Variants in PANK3 observed in about 807,000 individuals in gnomAD.
PANK3 encodes pantothenate kinase 3.
PANK3 carries 20 observed loss-of-function variants against 39.4 expected under a neutral mutation model. The ratio of observed to expected loss-of-function variants is 0.51; its 90% CI spans 0.36 to 0.74. The LOEUF is 0.74. Among genes scored for constraint, PANK3 ranks in the 30% least tolerant of loss-of-function variants. PANK3 has a pLI of 0.00. For synonymous variants in PANK3, 140 were observed against 157.3 expected (o/e 0.89, Z 0.82); for missense variants, 265 against 437.0 (o/e 0.61, Z 3.51).
At chr5:168,573,603 C>G (rs545243035) in intron 1 of PANK3, among the ~76,000 whole-genome samples, 21 of 151,554 alleles carry the variant, frequency 1.4e-4, no homozygotes, top group Middle Eastern at 3.4e-3. Context: ...CATGTGCCAT[C>G]CTGGTACGCT....
intron 4 of PANK3, among the ~76,000 whole-genome samples, chr5:168,562,749 A>G (rs560016729): frequency 6.6e-6 from 1 of 152,210 alleles, no homozygotes; most frequent in Non-Finnish European, 1.5e-5. Context: ...TACTATAAAG[A>G]TATCATTTGT....
rs1331856705 is a variant in PANK3 at position 168,553,273 on chromosome 5, G to GCTAC, written c.*4297_*4298insGTAG. ...GAGAGCACTAAAGGTACCCCAAAGGGGAGTAGGCGAGATCTCTCCAATGTA... is the reference window on the plus strand; with the variant it reads ...GAGAGCACTAAAGGTACCCCAAAGGGCTACGAGTAGGCGAGATCTCTCCAATGTA... On this transcript the variant is annotated 3_prime_UTR_variant, in exon 7 of 7. Coordinates refer to ENST00000239231, the MANE Select transcript of PANK3 (RefSeq NM_024594.4). 1.9e-6 allele frequency: 1 copy of GCTAC among 528,842 alleles called. No individual in the cohort carries two copies. Among genetic ancestry groups the GCTAC allele is most frequent in the Non-Finnish European group, 3.8e-6 (1 of 263,784 alleles). The allele number at this position is 528,842 out of a possible 1,614,324, so 32.8% of individuals were successfully genotyped here.
rs1281775552 is a variant in PANK3 at position 168,557,306 on chromosome 5, A to T, written c.*265T>A. 1 of 458,024 alleles carries T rather than the reference A, an allele frequency of 2.2e-6. No homozygotes were observed. Among genetic ancestry groups the T allele is most frequent in the African/African-American group, 2.0e-5 (1 of 51,098 alleles). 28.4% of individuals were successfully genotyped at this position (458,024 alleles called of 1,614,324 possible). On this transcript the variant is annotated 3_prime_UTR_variant, in exon 7 of 7. Transcript: ENST00000239231. ...CAGTACTGCAATGTTGGCTACATAA[A>T]ATAAAAAAATCTTTTTAAGAGGAAG...
At position 168,549,948 on chromosome 5, in the gene PANK3, C is replaced by T. The variant is rs996034627; in HGVS notation, c.*7623G>A. ...TATTTTTAGTAGAGACATGGTTCTT[C>T]CCACATCTATCCCCACTCACAATGA... On this transcript the variant is annotated 3_prime_UTR_variant, in exon 7 of 7. Coordinates refer to ENST00000239231, the MANE Select transcript of PANK3 (RefSeq NM_024594.4). 2 of 152,240 alleles carry T rather than the reference C, an allele frequency of 1.3e-5. No homozygotes were observed. The highest frequency in any genetic ancestry group is 4.1e-4 in the South Asian group (2 of 4,824). 9.4% of individuals were successfully genotyped at this position (152,240 alleles called of 1,614,324 possible).
intron 2 of PANK3, among the ~76,000 whole-genome samples, chr5:168,566,739 C>T (rs1397032036): frequency 6.6e-6 from 1 of 152,054 alleles, no homozygotes; most frequent in Non-Finnish European, 1.5e-5. Context: ...TCACTCCATT[C>T]ATTCATTCAT....
chr5:168,559,335 T>C (rs1029772436), intron 5 of PANK3, among the ~76,000 whole-genome samples, 178 bp from the exon 6 acceptor site: 4 of 152,170 alleles, frequency 2.6e-5, no homozygotes, highest in Non-Finnish European at 2.9e-5. Context: ...ATTTAAAAAT[T>C]AGTTCTGCAC....
chr5:168,558,540 G>A (rs1759390481), intron 6 of PANK3, among the ~76,000 whole-genome samples: 1 of 152,188 alleles, frequency 6.6e-6, no homozygotes, highest in South Asian at 2.1e-4. Flanking sequence ...ATTTGACTTT[G>A]ATCACAAAAT....
intron 1 of PANK3, among the ~76,000 whole-genome samples, chr5:168,572,719 T>C (rs529204290): frequency 1.3e-5 from 2 of 152,318 alleles, no homozygotes; most frequent in South Asian, 4.1e-4. Flanking sequence ...GGGGATATGA[T>C]GGCTTAGCTT....
At chr5:168,558,406 C>T (rs1227883186) in intron 6 of PANK3, among the ~76,000 whole-genome samples, 4 of 152,016 alleles carry the variant, frequency 2.6e-5, no homozygotes, top group Non-Finnish European at 5.9e-5. Context: ...CCTCGTGATC[C>T]GTCCGCCTTG....
At chr5:168,566,727 A>T (rs780895226) in intron 2 of PANK3, among the ~76,000 whole-genome samples, 2 of 152,186 alleles carry the variant, frequency 1.3e-5, no homozygotes, top group African/African-American at 2.4e-5. Flanking sequence ...CTATGGATTC[A>T]GTCACTCCAT....
chr5:168,576,648 C>T (rs901164388), intron 1 of PANK3, among the ~76,000 whole-genome samples: 2 of 152,030 alleles, frequency 1.3e-5, no homozygotes, highest in Admixed American at 1.3e-4. Context: ...TTTTCTAACA[C>T]TTAGGTAAAT....
In PANK3 at chr5:168,553,299, C is replaced by T; in HGVS notation, c.*4272G>A. ...GAGTAGGCGAGATCTCTCCAATGTA[C>T]ATGGGCACAAAACTTGTGCAGAGTC... On this transcript the variant is annotated 3_prime_UTR_variant, in exon 7 of 7. Transcript: ENST00000239231. 1.9e-6 allele frequency: 1 copy of T among 531,320 alleles called. No individual in the cohort carries two copies. The highest frequency in any genetic ancestry group is 3.8e-6 in the Non-Finnish European group (1 of 266,074). 32.9% of individuals were successfully genotyped at this position (531,320 alleles called of 1,614,324 possible).
rs1230910469 is a variant in PANK3, at chr5:168,579,332, A to C, written c.-49T>G. 7 of 1,415,654 alleles carry C rather than the reference A, an allele frequency of 4.9e-6. No individual in the cohort carries two copies. The highest frequency in any genetic ancestry group is 6.5e-6 in the Non-Finnish European group (7 of 1,077,096). The allele number at this position is 1,415,654 out of a possible 1,614,324, so 87.7% of individuals were successfully genotyped here. On this transcript the variant is annotated 5_prime_UTR_variant, in exon 1 of 7. Transcript: ENST00000239231. ...ACGGCCTCCGATCCGGGGCACTGAGAGCAGAGGCGGCGACTCCGGAGGTGG... is the reference window on the plus strand; with the variant it reads ...ACGGCCTCCGATCCGGGGCACTGAGCGCAGAGGCGGCGACTCCGGAGGTGG...
At position 168,559,159 on chromosome 5, in the gene PANK3, TAAAAG is replaced by T. The variant is rs934321303; in HGVS notation, c.937-7_937-3del. The T allele has an allele frequency of 4.6e-6, 7 of 1,509,248 alleles. No individual in the cohort carries two copies. The highest frequency in any genetic ancestry group is 6.3e-6 in the Non-Finnish European group (7 of 1,112,194). The allele number at this position is 1,509,248 out of a possible 1,614,324, so 93.5% of individuals were successfully genotyped here. A position where few individuals can be genotyped will look rare whatever the true frequency, so the allele number is the denominator to read the frequency against. On this transcript the variant is annotated splice_region_variant and splice_polypyrimidine_tract_variant and intron_variant, in intron 5 of 6. Transcript: ENST00000239231. ...AACAAAGACAACTCTGTTTATTTTC[TAAAAG>T]AAAAGAACAAAGAAAAAACTTGTAA...
chr5:168,559,884 G>A (rs552275223), intron 5 of PANK3, among the ~76,000 whole-genome samples: 13 of 152,148 alleles, frequency 8.5e-5, no homozygotes, highest in African/African-American at 2.4e-4. Context: ...TTCTTTCTCC[G>A]TCCCCTGCCT....
At position 168,549,461 on chromosome 5, in the gene PANK3, T is replaced by C. The variant is rs1333039556; in HGVS notation, c.*8110A>G. 1.3e-5 allele frequency: 2 copies of C among 152,182 alleles called. No individual in the cohort carries two copies. The highest frequency in any genetic ancestry group is 2.9e-5 in the Non-Finnish European group (2 of 68,036). The allele number at this position is 152,182 out of a possible 1,614,324, so 9.4% of individuals were successfully genotyped here. A position where few individuals can be genotyped will look rare whatever the true frequency, so the allele number is the denominator to read the frequency against. ...ATGGAAATGTTTTCTTGGAAAGCTG[T>C]TGGAACTGTAAGCACTGCAACGTAT... On this transcript the variant is annotated 3_prime_UTR_variant, in exon 7 of 7. Transcript: ENST00000239231.
In PANK3 at chr5:168,561,425, C is replaced by T. The variant is rs1181678446; in HGVS notation, c.904G>A (p.Gly302Ser). 6.3e-7 allele frequency: 1 copy of T among 1,595,296 alleles called. No individual in the cohort carries two copies. Among genetic ancestry groups the T allele is most frequent in the African/African-American group, 1.4e-5 (1 of 73,920 alleles). Residue 302 changes from glycine (G) to serine (S), a missense_variant, in exon 5 of 7, where the codon GGT becomes AGT. Physicochemically the swap from Gly to Ser is moderately conservative, Grantham distance 56. This residue lies in a region of PANK3 where 110 missense variants were observed against 161.2 expected (regional missense o/e 0.68). Coordinates refer to ENST00000239231, the MANE Select transcript of PANK3 (RefSeq NM_024594.4). The stretch of plus-strand genomic sequence containing the variant: ...ACAGCACACATTCGTGCCACAGAAC[C>T]AATGTTATTGGTGATAGTAACTAAA... ...ATLVTITNNIGSVARMCAVNE... is the reference protein window; with the variant it reads ...ATLVTITNNISSVARMCAVNE...
Position 168,568,739 on chromosome 5 carries a change from G to C in PANK3, c.288C>G (p.Ile96Met), listed in dbSNP as rs374391109. Residue 96 changes from isoleucine (I) to methionine (M), a missense_variant, in exon 2 of 7, where the codon ATC becomes ATG. Ile to Met is a conservative substitution (Grantham distance 10). Transcript: ENST00000239231. ...AGAAGTTTTTATCTCTTCCCATTTG[G>C]ATAAAAGTAGGCAGGTCCTGGGTTG... ...RFPTQDLPTF[I>M]QMGRDKNFST... is the part of the protein sequence containing the mutation. The C allele has an allele frequency of 2.5e-6, 4 of 1,613,950 alleles. No homozygotes were observed. The highest frequency in any genetic ancestry group is 3.4e-6 in the Non-Finnish European group (4 of 1,180,012).
chr5:168,557,688 G>T (rs1264178845), intron 6 of PANK3, 67 bp from the exon 7 acceptor site: 1 of 1,244,970 alleles, frequency 8.0e-7, no homozygotes, highest in African/African-American at 1.5e-5. Flanking sequence ...TTAACCACTT[G>T]AGAACACACA....
Sources: allele counts gnomAD v4.1 joint callset (sites outside exome capture counted in the v4.1 genomes callset), GRCh38; gene constraint gnomAD v4.1.1; regional missense constraint gnomAD v4.1.1; transcripts MANE v1.5; gene names NCBI Gene and HGNC (gene_info 2026-07-23, HGNC 2026-07-21).